NEK6: variants seen among roughly 807,000 people sequenced by gnomAD.
The protein encoded by NEK6 is NIMA related kinase 6.
A neutral mutation model predicts 43.5 loss-of-function variants in NEK6; 27 were observed. That is an observed-to-expected ratio of 0.62 (90% confidence interval 0.46 to 0.86). The LOEUF (loss-of-function observed/expected upper bound fraction) is 0.86. NEK6 is among the 40% of genes least tolerant of loss of function. The pLI, the probability that NEK6 is intolerant of heterozygous loss-of-function variation, is 0.00. For synonymous variants in NEK6, 167 were observed against 164.1 expected (o/e 1.02, Z -0.14); for missense variants, 318 against 414.4 (o/e 0.77, Z 2.02).
chr9:124,340,877 G>T (rs1829576019), intron 8 of NEK6, among the ~76,000 whole-genome samples: 1 of 152,218 alleles, frequency 6.6e-6, no homozygotes, highest in African/African-American at 2.4e-5. Flanking sequence ...GAACTTGAGG[G>T]CTACGCTGCC....
In NEK6 at chr9:124,321,544, C is replaced by T; in HGVS notation, c.380C>T (p.Ala127Val). Residue 127 changes from alanine to valine, a missense_variant, in exon 5 of 10, where the codon GCA becomes GTA. Ala to Val is a moderately conservative substitution (Grantham distance 64). Transcript: ENST00000320246. ...ELNIVLELADAGDLSQMIKYF... is the reference protein window; with the variant it reads ...ELNIVLELADVGDLSQMIKYF... ...AACATTGTGCTGGAGTTGGCTGACG[C>T]AGGGGACCTCTCGCAGATGATCAAG... 1.2e-6 allele frequency: 2 copies of T among 1,613,204 alleles called. No homozygotes were observed. Among genetic ancestry groups the T allele is most frequent in the Middle Eastern group, 1.6e-4 (1 of 6,062 alleles).
At chr9:124,335,462 T>C (rs761184692) in intron 7 of NEK6, among the ~76,000 whole-genome samples, 9 of 152,192 alleles carry the variant, frequency 5.9e-5, no homozygotes, top group Non-Finnish European at 1.2e-4. Flanking sequence ...CTGCTGCGCT[T>C]GTTTGGGGAT....
intron 1 of NEK6, among the ~76,000 whole-genome samples, chr9:124,278,445 G>T (rs1831739221): frequency 6.6e-6 from 1 of 152,168 alleles, no homozygotes; most frequent in Non-Finnish European, 1.5e-5. Flanking sequence ...GGTCTGTCCG[G>T]GTGTCGTTTT....
At position 124,321,588 on chromosome 9, in the gene NEK6, G is replaced by C; in HGVS notation, c.405+19G>C. 6.9e-7 allele frequency: 1 copy of C among 1,454,788 alleles called. No individual in the cohort carries two copies. The highest frequency in any genetic ancestry group is 2.3e-5 in the East Asian group (1 of 44,136). The allele number at this position is 1,454,788 out of a possible 1,614,324, so 90.1% of individuals were successfully genotyped here. On this transcript the variant is annotated intron_variant, in intron 5 of 9. Coordinates refer to ENST00000320246, the MANE Select transcript of NEK6 (RefSeq NM_014397.6). ...GATCAAGGTGAGCGCCTGGCGGGGT[G>C]GGGGTGCTGGGGGCTGCGCAGATCT...
chr9:124,268,584 G>A (rs1229869955), intron 1 of NEK6, among the ~76,000 whole-genome samples: 2 of 152,230 alleles, frequency 1.3e-5, no homozygotes, highest in South Asian at 2.1e-4. Flanking sequence ...TTTAGTCCTG[G>A]CTCTCTCTCT....
intron 1 of NEK6, among the ~76,000 whole-genome samples, chr9:124,296,054 TC>T (rs1172889556): frequency 6.6e-6 from 1 of 152,238 alleles, no homozygotes; most frequent in Non-Finnish European, 1.5e-5. Flanking sequence ...CAGTGAGCTG[TC>T]CTTGCCGGGC....
At chr9:124,345,680 G>C (rs1829885127) in intron 8 of NEK6, among the ~76,000 whole-genome samples, 1 of 152,130 alleles carries the variant, frequency 6.6e-6, no homozygotes, top group Non-Finnish European at 1.5e-5. Context: ...TGCGTTCACA[G>C]GACCAACACT....
Position 124,350,831 on chromosome 9 carries a change from C to A in NEK6, c.832-6C>A. The A allele has an allele frequency of 6.2e-7, 1 of 1,603,886 alleles. No individual in the cohort carries two copies. Among genetic ancestry groups the A allele is most frequent in the South Asian group, 1.1e-5 (1 of 90,824 alleles). On this transcript the variant is annotated splice_region_variant and splice_polypyrimidine_tract_variant and intron_variant, in intron 9 of 9. Transcript: ENST00000320246. The stretch of plus-strand genomic sequence containing the variant: ...TGAGAATAACACACCATTCTCTCCC[C>A]TGCAGTTACGAGAACTGGTCAGCAT...
chr9:124,265,688 C>T (rs1831203949), intron 1 of NEK6: 1 of 152,286 alleles, frequency 6.6e-6, no homozygotes, highest in Non-Finnish European at 1.5e-5. Flanking sequence ...CAGGTCAAGG[C>T]TCTGGTTGTG....
intron 7 of NEK6, among the ~76,000 whole-genome samples, chr9:124,329,865 C>T (rs899736429): frequency 1.3e-5 from 2 of 152,240 alleles, no homozygotes; most frequent in African/African-American, 2.4e-5. Context: ...ACCATTGCAT[C>T]GTGACTCAGG....
At chr9:124,296,081 C>G (rs577835404) in intron 1 of NEK6, among the ~76,000 whole-genome samples, 2 of 152,264 alleles carry the variant, frequency 1.3e-5, no homozygotes, top group Non-Finnish European at 2.9e-5. Flanking sequence ...ATCTTCAGCT[C>G]CCTGGGGCAT....
rs924211796 is a variant in NEK6, at chr9:124,277,561, C to T, written c.-30+19476C>T. Among the ~76,000 whole-genome samples, 9 of 152,318 alleles carry T rather than the reference C, an allele frequency of 5.9e-5. No homozygotes were observed. The South Asian group carries it at 1.9e-3, about 32-fold the overall frequency. On this transcript the variant is annotated intron_variant, in intron 1 of 9. Transcript: ENST00000320246. ...TCCCCTTGGCACCCTCAGCCTCTCT[C>T]GGCTTTCCTGTGAAAAACCAGGCCG...
At position 124,347,793 on chromosome 9, in the gene NEK6, C is replaced by T; in HGVS notation, c.802C>T (p.Pro268Ser). The change falls in exon 9 of 10, where the codon CCA (proline) becomes TCA (serine). Residue 268 changes from proline to serine, a missense_variant. Pro to Ser is a moderately conservative substitution (Grantham distance 74). Around this residue, in one of 2 missense-constraint regions of NEK6, gnomAD observed 79 missense variants for 70.0 expected, o/e 1.13. Coordinates refer to ENST00000320246, the MANE Select transcript of NEK6 (RefSeq NM_014397.6). Reference sequence around the variant, plus strand: ...GAAGATCGAGCAGTGTGACTACCCCCCACTCCCCGGGGAGCACTACTCCGA... The same window carrying T: ...GAAGATCGAGCAGTGTGACTACCCCTCACTCCCCGGGGAGCACTACTCCGA... ...CQKIEQCDYP[P>S]LPGEHYSEKL... 6.2e-7 allele frequency: 1 copy of T among 1,612,912 alleles called. No homozygotes were observed. Among genetic ancestry groups the T allele is most frequent in the Non-Finnish European group, 8.5e-7 (1 of 1,179,196 alleles).
chr9:124,283,188 C>T (rs1831999870), intron 1 of NEK6, among the ~76,000 whole-genome samples: 1 of 152,256 alleles, frequency 6.6e-6, no homozygotes, highest in African/African-American at 2.4e-5. Context: ...CTCAGGAAGG[C>T]TGGGGATGAC....
chr9:124,313,887 G>A, intron 3 of NEK6, 36 bp from the exon 4 acceptor site: 3 of 1,612,560 alleles, frequency 1.9e-6, no homozygotes, highest in South Asian at 1.1e-5. Context: ...GACACAGATT[G>A]TAACCACTCT....
In NEK6 at chr9:124,282,732, A is replaced by C. The variant is rs772182508; in HGVS notation, c.-29-19204A>C. Among the ~76,000 whole-genome samples, 5 of 152,220 alleles carry C rather than the reference A, an allele frequency of 3.3e-5. No individual in the cohort carries two copies. The South Asian group carries it at 8.3e-4, about 25-fold the overall frequency. ...TCCTACGCTTTCATACAGGCCCCAA[A>C]GACAAGTGCTGAGTAGATCTGGGTC... On this transcript the variant is annotated intron_variant, in intron 1 of 9. Transcript: ENST00000320246.
chr9:124,332,993 G>A (rs920490478), intron 7 of NEK6, among the ~76,000 whole-genome samples: 3 of 152,108 alleles, frequency 2.0e-5, no homozygotes, highest in Non-Finnish European at 2.9e-5. Flanking sequence ...CGGCATCGCC[G>A]GGAGATGGGC....
In NEK6 at chr9:124,291,974, C is replaced by T. The variant is rs571707394; in HGVS notation, c.-29-9962C>T. 6 of 987,248 alleles carry T rather than the reference C, an allele frequency of 6.1e-6. No homozygotes were observed. The African/African-American group carries it at 8.7e-5, about 14-fold the overall frequency. The allele number at this position is 987,248 out of a possible 1,614,324, so 61.2% of individuals were successfully genotyped here. On this transcript the variant is annotated intron_variant, in intron 1 of 9. Coordinates refer to ENST00000320246, the MANE Select transcript of NEK6 (RefSeq NM_014397.6). ...GAGACAGAGGCCCTTCTTCCTGCAC[C>T]CACCCCAGCCCAGAGAGGCGACCCA...
At chr9:124,258,763 G>C (rs1830910018) in intron 1 of NEK6, among the ~76,000 whole-genome samples, 2 of 152,360 alleles carry the variant, frequency 1.3e-5, no homozygotes, top group South Asian at 4.1e-4. Context: ...GGCAGACTCA[G>C]AGCCTGGCTG....
Sources: allele counts gnomAD v4.1 joint callset (sites outside exome capture counted in the v4.1 genomes callset), GRCh38; gene constraint gnomAD v4.1.1; regional missense constraint gnomAD v4.1.1; transcripts MANE v1.5; gene names NCBI Gene and HGNC (gene_info 2026-07-23, HGNC 2026-07-21).